Variants in KCP observed in about 807,000 individuals in gnomAD.
The protein encoded by KCP is kielin cysteine rich BMP regulator.
Under a neutral mutation model 212.7 loss-of-function variants are expected in KCP, and 194 were observed. The ratio of observed to expected loss-of-function variants is 0.91; its 90% CI spans 0.81 to 1.03. The LOEUF is 1.03. Ranked by LOEUF, KCP falls within the 50% of genes least tolerant of loss-of-function variation. The probability of loss-of-function intolerance (pLI) is 0.00; values close to 1 mark genes in which losing one functional copy is unlikely to be tolerated. For synonymous variants in KCP, 833 were observed against 865.3 expected, an observed-to-expected ratio of 0.96 and a Z score of 0.65; for missense variants, 2,080 against 2,162.5, an observed-to-expected ratio of 0.96 and a Z score of 0.76.
intron 31 of KCP, 61 bp from the exon 32 acceptor site, chr7:128,881,146 G>A: frequency 2.5e-6 from 1 of 398,974 alleles, no homozygotes; most frequent in Non-Finnish European, 4.4e-6. Flanking sequence ...TCCCTCCTTG[G>A]AGCTTACCCA....
chr7:128,897,301 G>A (rs911942473), intron 8 of KCP, among the ~76,000 whole-genome samples: 2 of 152,146 alleles, frequency 1.3e-5, no homozygotes, highest in Admixed American at 1.3e-4. Context: ...AAAAATAACT[G>A]GATAAGGTTT....
At chr7:128,891,869 CT>C in intron 16 of KCP, 50 bp from the exon 17 acceptor site, 1 of 1,356,944 alleles carries the variant, frequency 7.4e-7, no homozygotes, top group Non-Finnish European at 9.7e-7. Flanking sequence ...CTGACAGTCC[CT>C]CCAGCCCTGG....
In KCP at chr7:128,891,085, G is replaced by A. The variant is rs2128947268; in HGVS notation, c.1984C>T (p.Pro662Ser). The change falls in exon 20 of 40, where the codon CCC becomes TCC. Residue 662 changes from proline (P) to serine (S), a missense_variant. By Grantham distance (74) the Pro-to-Ser change is moderately conservative. Transcript: ENST00000610776. ...GCGCCGGGCCGTGGGCAGCCGGCGG[G>A]GGCTGGGGCGGCTGCGGCGAGACAG... The part of the protein sequence containing the change: ...CCPQCPAAPA[P>S]AGCPRPGAAH... 7.0e-7 allele frequency: 1 copy of A among 1,436,224 alleles called. No homozygotes were observed. 89.0% of individuals were successfully genotyped at this position (1,436,224 alleles called of 1,614,324 possible). A position where few individuals can be genotyped will look rare whatever the true frequency, so the allele number is the denominator to read the frequency against.
In KCP at chr7:128,907,295, A is replaced by ATCCTGGCAGACG; in HGVS notation, c.377_378insCGTCTGCCAGGA (p.Cys126_Gly127insValCysGlnAsp). On this transcript the variant is annotated inframe_insertion, in exon 3 of 40. Coordinates refer to ENST00000610776, the MANE Select transcript of KCP (RefSeq NM_001366122.1). ...AATGGGGCAGGTGTGCTTGGGGGCC[A>ATCCTGGCAGACG]CAGTGAGCGGCCCCATCCTGGCAGA... 2.0e-6 allele frequency: 3 copies of ATCCTGGCAGACG among 1,537,712 alleles called. No homozygotes were observed. Among genetic ancestry groups the ATCCTGGCAGACG allele is most frequent in the Non-Finnish European group, 2.6e-6 (3 of 1,136,058 alleles).
At position 128,881,626 on chromosome 7, in the gene KCP, C is replaced by A. The variant is rs1343620394; in HGVS notation, c.3424G>T (p.Glu1142Ter). 4 of 1,492,574 alleles carry A rather than the reference C, an allele frequency of 2.7e-6. No individual in the cohort carries two copies. The highest frequency in any genetic ancestry group is 1.8e-6 in the Non-Finnish European group (2 of 1,125,324). The allele number at this position is 1,492,574 out of a possible 1,614,324, so 92.5% of individuals were successfully genotyped here. Residue 1142 changes from glutamate to a stop codon, truncating the protein, a stop_gained and splice_region_variant, in exon 31 of 40, where the codon GAA becomes TAA. Coordinates refer to ENST00000610776, the MANE Select transcript of KCP (RefSeq NM_001366122.1). LOFTEE classifies it high-confidence loss of function. The stretch of plus-strand genomic sequence containing the variant: ...GTGGAGGCCAAGGCTGGGCACTTAC[C>A]CCGGCATACGGGGCAGCAGCTCCCA... ...PPGSCCPVCR[E>*]CVVEAEGRRV...
intron 16 of KCP, 21 bp from the exon 17 acceptor site, chr7:128,891,840 G>T: frequency 7.0e-7 from 1 of 1,432,400 alleles, no homozygotes; most frequent in Non-Finnish European, 9.2e-7. Flanking sequence ...GATGGTGGGG[G>T]CAGGTATGAG....
rs928776428 is a variant in KCP, at chr7:128,902,803, C to A, written c.805G>T (p.Asp269Tyr). 2.6e-6 allele frequency: 4 copies of A among 1,549,904 alleles called. No homozygotes were observed. Among genetic ancestry groups the A allele is most frequent in the Non-Finnish European group, 3.5e-6 (4 of 1,145,700 alleles). The change falls in exon 8 of 40, where the codon GAC becomes TAC. Residue 269 changes from aspartate (D) to tyrosine (Y), a missense_variant. Coordinates refer to ENST00000610776, the MANE Select transcript of KCP (RefSeq NM_001366122.1). ...EHGQEWTTPG[D>Y]PCRICRCLEG... ...AGGCACCGGCAGATTCGGCAGGGGT[C>A]CCCAGGTGTTGTCCACTCTTGGCCA...
intron 8 of KCP, among the ~76,000 whole-genome samples, chr7:128,896,385 G>C (rs1030941033): frequency 3.9e-5 from 6 of 152,182 alleles, no homozygotes; most frequent in African/African-American, 1.4e-4. Flanking sequence ...AATATTTAGA[G>C]GGTTAGAGGC....
intron 37 of KCP, 85 bp from the exon 38 acceptor site, chr7:128,878,807 G>T: frequency 7.5e-7 from 1 of 1,337,826 alleles, no homozygotes; most frequent in Non-Finnish European, 1.0e-6. Flanking sequence ...CAGGCACTGT[G>T]TTCAGTGCGG....
intron 24 of KCP, 48 bp downstream of exon 24, chr7:128,886,828 G>T: frequency 7.2e-7 from 1 of 1,388,242 alleles, no homozygotes; most frequent in Non-Finnish European, 1.0e-6. Flanking sequence ...AAGGGGGAGG[G>T]AGAGGCGGGG....
At chr7:128,890,308 C>A in intron 21 of KCP, 35 bp downstream of exon 21, 1 of 1,551,482 alleles carries the variant, frequency 6.4e-7, no homozygotes, top group South Asian at 1.2e-5. Context: ...TCTCCCGCAT[C>A]CCACCCCGGC....
chr7:128,893,624 A>T, intron 11 of KCP, 148 bp from the exon 12 acceptor site: 1 of 966,152 alleles, frequency 1.0e-6, no homozygotes, highest in Non-Finnish European at 1.5e-6. Context: ...TGCCCCCCAC[A>T]GCTATGCCAC....
At chr7:128,885,819 T>G (rs73721650) in intron 26 of KCP, among the ~76,000 whole-genome samples, 5,298 of 152,222 alleles carry the variant, frequency 0.035, 299 homozygotes, top group African/African-American at 0.11. Flanking sequence ...AGCCAGATGG[T>G]CCAAGTGTCC....
Position 128,910,686 on chromosome 7 carries a change from G to A in KCP, c.-10C>T, listed in dbSNP as rs1192704779. 4.7e-6 allele frequency: 7 copies of A among 1,487,620 alleles called. No individual in the cohort carries two copies. Among genetic ancestry groups the A allele is most frequent in the Non-Finnish European group, 6.2e-6 (7 of 1,125,534 alleles). The allele number at this position is 1,487,620 out of a possible 1,614,324, so 92.2% of individuals were successfully genotyped here. On this transcript the variant is annotated 5_prime_UTR_variant, in exon 1 of 40. Transcript: ENST00000610776. ...CCCCGACCCCGGCCATGCTAGCTCC[G>A]CCTCGCTCGGCTCGCCGTCTGTCGT...
intron 6 of KCP, 87 bp downstream of exon 6, chr7:128,903,969 G>T (rs1339680354): frequency 7.2e-7 from 1 of 1,387,188 alleles, no homozygotes; most frequent in Non-Finnish European, 1.0e-6. Flanking sequence ...GCATGTGAGG[G>T]GGCTGGAGGA....
In KCP at chr7:128,878,615, C is replaced by T; in HGVS notation, c.4254G>A (p.Leu1418=). ...GNFNGFAQDD[L]QGPEGLLLPS... Reference sequence around the variant, plus strand: ...GCAGGAGCAGCCCCTCAGGGCCCTGCAGATCGTCCTGGGCAAAGCCATTGA... The same window carrying T: ...GCAGGAGCAGCCCCTCAGGGCCCTGTAGATCGTCCTGGGCAAAGCCATTGA... Residue 1418 remains leucine (L), a synonymous_variant, in exon 38 of 40, where the codon CTG becomes CTA. Transcript: ENST00000610776. 6.4e-7 allele frequency: 1 copy of T among 1,551,536 alleles called. No homozygotes were observed. Among genetic ancestry groups the T allele is most frequent in the Non-Finnish European group, 8.7e-7 (1 of 1,146,994 alleles).
intron 5 of KCP, chr7:128,904,523 A>G: frequency 1.5e-6 from 1 of 672,092 alleles, no homozygotes; most frequent in East Asian, 2.7e-5. Context: ...AGCAGGCTTC[A>G]GCCCTGATGC....
rs1461585247 is a variant in KCP, at chr7:128,879,844, G to A, written c.3933-15C>T. ...TCACGTGCACACTGTGGGCAGGAAA[G>A]TCCCAGGTGCCAATGGTCAGCAGGG... On this transcript the variant is annotated splice_polypyrimidine_tract_variant and intron_variant, in intron 35 of 39. Transcript: ENST00000610776. The A allele has an allele frequency of 3.2e-6, 5 of 1,551,126 alleles. No homozygotes were observed. Among genetic ancestry groups the A allele is most frequent in the East Asian group, 4.9e-5 (2 of 40,924 alleles).
chr7:128,907,474 A>G, intron 2 of KCP, 21 bp from the exon 3 acceptor site: 1 of 1,431,168 alleles, frequency 7.0e-7, no homozygotes, highest in East Asian at 2.6e-5. Context: ...GAGATGGAAT[A>G]GCAGGCACTG....
Sources: gnomAD v4.1 joint callset for allele counts (sites outside exome capture counted in the v4.1 genomes callset) on GRCh38, gnomAD v4.1.1 for gene constraint, MANE v1.5 for transcripts, NCBI Gene and HGNC (gene_info 2026-07-23, HGNC 2026-07-21) for gene names.